RASAL2: variants seen among roughly 807,000 people sequenced by gnomAD.
RASAL2 encodes the protein ras GTPase-activating protein nGAP.
A neutral mutation model predicts 128.9 loss-of-function variants in RASAL2; 58 were observed. That is an observed-to-expected ratio of 0.45 (90% confidence interval 0.36 to 0.56). The LOEUF (loss-of-function observed/expected upper bound fraction) is 0.56. Ranked by LOEUF, RASAL2 falls within the 20% of genes least tolerant of loss-of-function variation. RASAL2 has a pLI of 0.00. For missense variants in RASAL2, 1,360 were observed against 1,601.6 expected (o/e 0.85, Z 2.57); for synonymous variants, 561 against 580.8 (o/e 0.97, Z 0.49).
At chr1:178,297,728 A>G (rs933138942) in intron 2 of RASAL2, among the ~76,000 whole-genome samples, 1 of 152,066 alleles carries the variant, frequency 6.6e-6, no homozygotes, top group Non-Finnish European at 1.5e-5. Context: ...TTTGAATACA[A>G]CCTTTTATCA....
intron 1 of RASAL2, among the ~76,000 whole-genome samples, chr1:178,207,324 T>G (rs192565196): frequency 6.6e-6 from 1 of 152,276 alleles, no homozygotes; most frequent in East Asian, 1.9e-4. Context: ...CATCTGCAGA[T>G]TCAACCAACC....
At chr1:178,428,572 ATT>A (rs1413997119) in intron 5 of RASAL2, among the ~76,000 whole-genome samples, 1 of 151,462 alleles carries the variant, frequency 6.6e-6, no homozygotes, top group Non-Finnish European at 1.5e-5. Flanking sequence ...CTATATATAT[ATT>A]CTACATATAT....
At chr1:178,276,338 ACTTT>A (rs1666510041) in intron 1 of RASAL2, among the ~76,000 whole-genome samples, 1 of 152,138 alleles carries the variant, frequency 6.6e-6, no homozygotes, top group Non-Finnish European at 1.5e-5. Flanking sequence ...ATTAAACTTT[ACTTT>A]AAGTGACCTG....
intron 1 of RASAL2, among the ~76,000 whole-genome samples, chr1:178,185,169 A>G (rs1165978759): frequency 6.6e-6 from 1 of 151,464 alleles, no homozygotes; most frequent in African/African-American, 2.4e-5. Flanking sequence ...AAGGAAATCA[A>G]TAGTCTTTTG....
At chr1:178,197,180 G>A (rs1017339446) in intron 1 of RASAL2, among the ~76,000 whole-genome samples, 3 of 152,174 alleles carry the variant, frequency 2.0e-5, no homozygotes, top group African/African-American at 4.8e-5. Flanking sequence ...AGGTGTGGCC[G>A]GGCGTGGTGG....
chr1:178,180,663 T>TCTCACACACACACACA (rs1553256843), intron 1 of RASAL2, among the ~76,000 whole-genome samples: 5 of 139,212 alleles, frequency 3.6e-5, no homozygotes, highest in Non-Finnish European at 7.7e-5. Flanking sequence ...CGAGACTGTC[T>TCTCACACACACACACA]CACACACACA....
chr1:178,324,560 T>C (rs990882380), intron 3 of RASAL2, among the ~76,000 whole-genome samples: 13 of 152,278 alleles, frequency 8.5e-5, no homozygotes, highest in African/African-American at 3.1e-4. Context: ...CAGTCTGTTA[T>C]GTAATGAAGG....
At chr1:178,340,455 G>GA (rs775317265) in intron 3 of RASAL2, among the ~76,000 whole-genome samples, 1 of 151,544 alleles carries the variant, frequency 6.6e-6, no homozygotes, top group African/African-American at 2.4e-5. Flanking sequence ...GGGGAATATA[G>GA]AAAAAAACCC....
Position 178,147,573 on chromosome 1 carries a change from T to C in RASAL2, c.202+52879T>C, listed in dbSNP as rs181103359. Among the ~76,000 whole-genome samples the C allele has an allele frequency of 1.9e-4, 28 of 150,958 alleles. 1 individual carries two copies. Among genetic ancestry groups the C allele is most frequent in the African/African-American group, 5.9e-4 (24 of 40,940 alleles). On this transcript the variant is annotated intron_variant, in intron 1 of 17. Coordinates refer to ENST00000367649, the MANE Select transcript of RASAL2 (RefSeq NM_170692.4). Reference sequence around the variant, plus strand: ...AGTGAATATGAACAAACCATTAAAATATATATGAGCACACAGGCTCCCTTT... The same window carrying C: ...AGTGAATATGAACAAACCATTAAAACATATATGAGCACACAGGCTCCCTTT...
intron 9 of RASAL2, among the ~76,000 whole-genome samples, chr1:178,448,321 A>G (rs1421942135): frequency 6.6e-6 from 1 of 152,232 alleles, no homozygotes; most frequent in African/African-American, 2.4e-5. Flanking sequence ...GGCACCTTAA[A>G]TATCACTAGT....
chr1:178,259,256 G>A lies in RASAL2; in HGVS notation c.203-24308G>A, dbSNP rs375299300. On this transcript the variant is annotated intron_variant, in intron 1 of 17. Coordinates refer to ENST00000367649, the MANE Select transcript of RASAL2 (RefSeq NM_170692.4). ...CGCCATTCTCCTGCCTCAGCCTCCC[G>A]AGTAGCTGGGACTACAGGCGCCCGC... 4.1e-5 allele frequency among the ~76,000 whole-genome samples: 6 copies of A among 145,156 alleles called. No individual in the cohort carries two copies. In the East Asian group the frequency reaches 6.4e-4, roughly 15 times the overall value.
chr1:178,468,220 A>G (rs1027923942), intron 17 of RASAL2, among the ~76,000 whole-genome samples: 1 of 152,184 alleles, frequency 6.6e-6, no homozygotes, highest in Non-Finnish European at 1.5e-5. Flanking sequence ...AAGCAGTTAC[A>G]GTTTTTATAG....
chr1:178,159,912 C>G (rs997197426), intron 1 of RASAL2, among the ~76,000 whole-genome samples: 1 of 150,528 alleles, frequency 6.6e-6, no homozygotes, highest in South Asian at 2.1e-4. Context: ...CTAAAACAAA[C>G]AAACAAACAA....
intron 1 of RASAL2, among the ~76,000 whole-genome samples, chr1:178,205,482 C>G (rs905352006): frequency 1.3e-5 from 2 of 151,972 alleles, no homozygotes; most frequent in Non-Finnish European, 2.9e-5. Context: ...ATGGGCCGGG[C>G]GCAGTGGATC....
chr1:178,186,788 T>C (rs1662316996), intron 1 of RASAL2, among the ~76,000 whole-genome samples: 1 of 152,120 alleles, frequency 6.6e-6, no homozygotes, highest in Non-Finnish European at 1.5e-5. Context: ...TTCAAAAACA[T>C]TTCAGCCTTC....
chr1:178,158,112 T>C (rs528970525), intron 1 of RASAL2, among the ~76,000 whole-genome samples: 39 of 152,366 alleles, frequency 2.6e-4, no homozygotes, highest in African/African-American at 8.9e-4. Flanking sequence ...GGCAGGTATA[T>C]ACTTGATTGC....
Position 178,420,597 on chromosome 1 carries a change from A to G in RASAL2, c.651A>G (p.Pro217=). 1.2e-6 allele frequency: 2 copies of G among 1,610,874 alleles called. No homozygotes were observed. The highest frequency in any genetic ancestry group is 1.1e-5 in the South Asian group (1 of 90,834). Reference sequence around the variant, plus strand: ...ACAGAAACACGAGCTTTCGGCTTCCATCCCTTCGCAGTACAGATGACAGGT... The same window carrying G: ...ACAGAAACACGAGCTTTCGGCTTCCGTCCCTTCGCAGTACAGATGACAGGT... ...KLDRNTSFRL[P]SLRSTDDRSR... Residue 217 remains proline, a synonymous_variant, in exon 5 of 18, where the codon CCA becomes CCG. Coordinates refer to ENST00000367649, the MANE Select transcript of RASAL2 (RefSeq NM_170692.4).
chr1:178,430,435 A>G (rs982615501), intron 5 of RASAL2, among the ~76,000 whole-genome samples: 10 of 152,070 alleles, frequency 6.6e-5, no homozygotes, highest in African/African-American at 2.2e-4. Flanking sequence ...ATTTCTACAC[A>G]TTTACTCCAT....
chr1:178,286,295 A>G (rs986662232), intron 2 of RASAL2, among the ~76,000 whole-genome samples: 1 of 152,126 alleles, frequency 6.6e-6, no homozygotes, highest in African/African-American at 2.4e-5. Context: ...TTGTCAGTGG[A>G]TGGCCGTTTT....
Sources: allele counts gnomAD v4.1 joint callset (sites outside exome capture counted in the v4.1 genomes callset), GRCh38; gene constraint gnomAD v4.1.1; transcripts MANE v1.5; gene names NCBI Gene and HGNC (gene_info 2026-07-23, HGNC 2026-07-21).